The following CDK14 variants were observed in gnomAD, a reference collection of about 807,000 sequenced individuals.
CDK14 encodes cyclin-dependent kinase 14.
In CDK14, 34 loss-of-function variants were observed where a neutral mutation model predicts 60.7. The observed-to-expected ratio is 0.56, with a 90% CI of 0.43 to 0.75. The LOEUF (loss-of-function observed/expected upper bound fraction) is 0.75. Ranked by LOEUF, CDK14 falls within the 30% of genes least tolerant of loss-of-function variation. CDK14 has a pLI of 0.00. For missense variants in CDK14, 482 were observed against 564.1 expected, an observed-to-expected ratio of 0.85 and a Z score of 1.47; for synonymous variants, 197 against 203.7, an observed-to-expected ratio of 0.97 and a Z score of 0.28.
intron 10 of CDK14, among the ~76,000 whole-genome samples, chr7:91,003,961 AG>A (rs1171238851): frequency 6.6e-6 from 1 of 152,158 alleles, no homozygotes; most frequent in African/African-American, 2.4e-5. Flanking sequence ...CTAAAAAGCC[AG>A]ATTCCCCTAA....
At chr7:90,953,619 T>C (rs566938432) in intron 8 of CDK14, among the ~76,000 whole-genome samples, 1 of 152,326 alleles carries the variant, frequency 6.6e-6, no homozygotes, top group Admixed American at 6.5e-5. Context: ...ATCACAGTTT[T>C]TTTATAACTA....
intron 5 of CDK14, among the ~76,000 whole-genome samples, chr7:90,860,525 C>CTTT (rs1240085824): frequency 3.1e-5 from 4 of 129,320 alleles, no homozygotes; most frequent in African/African-American, 8.7e-5. Flanking sequence ...TGTCTCATTC[C>CTTT]TTTTTTTTTT....
intron 2 of CDK14, among the ~76,000 whole-genome samples, chr7:90,723,649 G>A (rs901447242): frequency 6.6e-6 from 1 of 152,170 alleles, no homozygotes; most frequent in African/African-American, 2.4e-5. Flanking sequence ...TCAAGAGCTG[G>A]GGATTACATA....
Position 90,901,689 on chromosome 7 carries a change from T to C in CDK14, c.702+2336T>C, listed in dbSNP as rs183298602. On this transcript the variant is annotated intron_variant, in intron 7 of 14. Transcript: ENST00000380050. Reference sequence around the variant, plus strand: ...AGCTTTATATGTATATATATATATATACACACACACACACATATATATTCT... The same window carrying C: ...AGCTTTATATGTATATATATATATACACACACACACACACATATATATTCT... Among the ~76,000 whole-genome samples, 102 of 150,118 alleles carry C rather than the reference T, an allele frequency of 6.8e-4. 1 individual carries two copies. The East Asian group carries it at 0.011, about 16-fold the overall frequency.
chr7:91,082,535 C>T (rs1411172409), intron 12 of CDK14, among the ~76,000 whole-genome samples: 1 of 152,046 alleles, frequency 6.6e-6, no homozygotes. Flanking sequence ...AATACAGAGA[C>T]ATTTAAACAA....
intron 2 of CDK14, among the ~76,000 whole-genome samples, chr7:90,642,853 C>G (rs1800370675): frequency 6.6e-6 from 1 of 152,060 alleles, no homozygotes; most frequent in African/African-American, 2.4e-5. Flanking sequence ...TGTTAAACCT[C>G]CATTTGTTTC....
chr7:90,951,139 C>T (rs529068162), intron 8 of CDK14, among the ~76,000 whole-genome samples: 8 of 152,286 alleles, frequency 5.3e-5, no homozygotes, highest in African/African-American at 1.9e-4. Flanking sequence ...AAGTCTTTCC[C>T]TTCCCAGTGT....
intron 12 of CDK14, among the ~76,000 whole-genome samples, chr7:91,104,183 G>A (rs1562905932): frequency 1.3e-5 from 2 of 151,988 alleles, no homozygotes. Context: ...CTGACCCCTT[G>A]TGAACATAGA....
chr7:91,073,840 G>A (rs1263675952), intron 11 of CDK14, among the ~76,000 whole-genome samples: 8 of 151,090 alleles, frequency 5.3e-5, no homozygotes, highest in Non-Finnish European at 8.8e-5. Context: ...AAAAAAAGCA[G>A]AGGTTGCAGT....
chr7:90,807,549 A>C (rs1026826135), intron 5 of CDK14, among the ~76,000 whole-genome samples: 2 of 152,192 alleles, frequency 1.3e-5, no homozygotes, highest in African/African-American at 2.4e-5. Flanking sequence ...AACTCTAAAA[A>C]TCCGAGTGCC....
At chr7:90,724,774 A>G (rs560538105) in intron 2 of CDK14, among the ~76,000 whole-genome samples, 4 of 151,394 alleles carry the variant, frequency 2.6e-5, no homozygotes, top group Admixed American at 2.6e-4. Flanking sequence ...TTTTTCTTTC[A>G]AATTTTCTGT....
At chr7:90,850,271 A>T (rs1790606345) in intron 5 of CDK14, among the ~76,000 whole-genome samples, 1 of 150,378 alleles carries the variant, frequency 6.6e-6, no homozygotes, top group South Asian at 2.1e-4. Context: ...CCTTGCAGTG[A>T]TTTATGGAGG....
intron 6 of CDK14, among the ~76,000 whole-genome samples, chr7:90,866,472 C>A (rs940639515): frequency 1.2e-4 from 18 of 152,026 alleles, no homozygotes; most frequent in African/African-American, 3.1e-4. Flanking sequence ...GTAGAAAAAA[C>A]CAATACCCCA....
chr7:91,078,955 G>A (rs1337022166), intron 11 of CDK14, among the ~76,000 whole-genome samples: 4 of 152,140 alleles, frequency 2.6e-5, no homozygotes, highest in Admixed American at 2.0e-4. Flanking sequence ...GTAAATATAC[G>A]GTATAGGACC....
intron 9 of CDK14, among the ~76,000 whole-genome samples, chr7:90,961,630 A>C (rs1230333833): frequency 6.6e-6 from 1 of 152,236 alleles, no homozygotes; most frequent in African/African-American, 2.4e-5. Context: ...GTTACTGTCA[A>C]ATGTAACACC....
intron 14 of CDK14, among the ~76,000 whole-genome samples, chr7:91,166,216 T>C (rs1315327956): frequency 2.0e-5 from 3 of 152,194 alleles, no homozygotes; most frequent in Non-Finnish European, 2.9e-5. Flanking sequence ...GTCTAACAAA[T>C]TCATGTAGTC....
chr7:90,960,921 C>T (rs1344913570), intron 9 of CDK14, among the ~76,000 whole-genome samples: 1 of 152,044 alleles, frequency 6.6e-6, no homozygotes, highest in Non-Finnish European at 1.5e-5. Flanking sequence ...GCAATAGGTA[C>T]TTCTATTGAA....
intron 4 of CDK14, among the ~76,000 whole-genome samples, chr7:90,774,530 T>G (rs1432454819): frequency 1.3e-5 from 2 of 152,212 alleles, no homozygotes; most frequent in Non-Finnish European, 2.9e-5. Context: ...CTTGATATTA[T>G]TTTTAATTTC....
rs1804305993 is a variant in CDK14, at chr7:90,761,344, T to TA, written c.464+13572dup. Among the ~76,000 whole-genome samples, 7 of 151,318 alleles carry TA rather than the reference T, an allele frequency of 4.6e-5. No individual in the cohort carries two copies. The South Asian group carries it at 1.5e-3, about 32-fold the overall frequency. On this transcript the variant is annotated intron_variant, in intron 4 of 14. Transcript: ENST00000380050. ...GCACTCTTTGGGGTTTTTTTTTTTT[T>TA]AAAGAGTTAGTGTAGAAATGTTCAA...
Sources: allele counts gnomAD v4.1 joint callset (sites outside exome capture counted in the v4.1 genomes callset), GRCh38; gene constraint gnomAD v4.1.1; transcripts MANE v1.5; gene names NCBI Gene and HGNC (gene_info 2026-07-23, HGNC 2026-07-21).